The following ZNF333 variants were observed in gnomAD, a reference collection of about 807,000 sequenced individuals.
ZNF333 encodes the protein zinc finger protein 333.
A neutral mutation model predicts 76.1 loss-of-function variants in ZNF333; 61 were observed. The ratio of observed to expected loss-of-function variants is 0.80; its 90% CI spans 0.65 to 0.99. The LOEUF (loss-of-function observed/expected upper bound fraction) is 0.99, where lower values mean the gene tolerates loss of function less well. ZNF333 is among the 50% of genes least tolerant of loss of function. The pLI is 0.00. For synonymous variants in ZNF333, 284 were observed against 305.0 expected, an observed-to-expected ratio of 0.93 and a Z score of 0.72; for missense variants, 717 against 822.4, an observed-to-expected ratio of 0.87 and a Z score of 1.57.
intron 5 of ZNF333, among the ~76,000 whole-genome samples, chr19:14,703,027 A>G (rs1191585639): frequency 6.6e-6 from 1 of 151,112 alleles, no homozygotes; most frequent in Non-Finnish European, 1.5e-5. Flanking sequence ...ACATGGTGAA[A>G]CCCCGTCTCT....
chr19:14,694,238 C>T (rs766911751), intron 2 of ZNF333, among the ~76,000 whole-genome samples: 2 of 151,936 alleles, frequency 1.3e-5, no homozygotes, highest in African/African-American at 4.8e-5. Flanking sequence ...TTTGGGAGGC[C>T]GAGGCGGGCA....
At chr19:14,724,555 CAG>C (rs1453749992), downstream of ZNF333, among the ~76,000 whole-genome samples, 1 of 152,188 alleles carries the variant, frequency 6.6e-6, no homozygotes, top group Non-Finnish European at 1.5e-5. Context: ...CACCTGAGGT[CAG>C]GGGCTCGAGA....
rs746092669 is a variant in ZNF333, at chr19:14,716,233, C to CT, written c.723dup (p.Val242CysfsTer3). ...CTGGAGAACTACAGGAACCTGGCCT[C>CT]TGTGGGTAAGGCAGCTTCATCTTTT... On this transcript the variant is annotated frameshift_variant, in exon 9 of 12. Coordinates refer to ENST00000292530, the MANE Select transcript of ZNF333 (RefSeq NM_032433.4). LOFTEE classifies it high-confidence loss of function. 1 of 1,607,638 alleles carries CT rather than the reference C, an allele frequency of 6.2e-7. No individual in the cohort carries two copies. Among genetic ancestry groups the CT allele is most frequent in the Non-Finnish European group, 8.5e-7 (1 of 1,178,212 alleles).
At chr19:14,730,865 T>G (rs1429700526) in intron 11 of ZNF333, among the ~76,000 whole-genome samples, 1 of 151,886 alleles carries the variant, frequency 6.6e-6, no homozygotes, top group African/African-American at 2.4e-5. Context: ...TATGTTCACG[T>G]GTACCCAATA....
chr19:14,712,370 C>T (rs987066092), intron 7 of ZNF333, among the ~76,000 whole-genome samples: 24 of 151,972 alleles, frequency 1.6e-4, no homozygotes, highest in Admixed American at 1.6e-3. Flanking sequence ...CAGATGTGTG[C>T]CACCACGCCC....
intron 1 of ZNF333, among the ~76,000 whole-genome samples, chr19:14,691,564 A>G (rs954148373): frequency 6.6e-5 from 10 of 152,170 alleles, no homozygotes; most frequent in African/African-American, 2.4e-4. Context: ...TTGCCTTTTT[A>G]AAAAGAATTA....
chr19:14,710,046 G>C (rs1431819225), intron 7 of ZNF333, among the ~76,000 whole-genome samples: 1 of 152,204 alleles, frequency 6.6e-6, no homozygotes, highest in Non-Finnish European at 1.5e-5. Context: ...CAGAGAACTG[G>C]TTGCATCCAG....
chr19:14,693,980 TAAAAAAAAAA>T, intron 2 of ZNF333, among the ~76,000 whole-genome samples: 1 of 113,106 alleles, frequency 8.8e-6, no homozygotes, highest in South Asian at 2.9e-4. Flanking sequence ...ACCTTGTCTC[TAAAAAAAAAA>T]AAAAAAAAAA....
In ZNF333 at chr19:14,719,330, C is replaced by G; in HGVS notation, c.*5C>G. 6.3e-7 allele frequency: 1 copy of G among 1,590,502 alleles called. No homozygotes were observed. Among genetic ancestry groups the G allele is most frequent in the Non-Finnish European group, 8.6e-7 (1 of 1,169,066 alleles). The stretch of plus-strand genomic sequence containing the variant: ...TGTGGGCCCCTTGCTAATTAACTTC[C>G]ATTTTGTAAAAATATAAACACATGG... On this transcript the variant is annotated 3_prime_UTR_variant, in exon 12 of 12. Coordinates refer to ENST00000292530, the MANE Select transcript of ZNF333 (RefSeq NM_032433.4).
At position 14,705,129 on chromosome 19, in the gene ZNF333, C is replaced by T. The variant is rs138949234; in HGVS notation, c.382C>T (p.Arg128Trp). 1.5e-4 allele frequency: 234 copies of T among 1,613,770 alleles called. 1 individual carries two copies. Among genetic ancestry groups the T allele is most frequent in the Middle Eastern group, 5.0e-4 (3 of 5,960 alleles). The change falls in exon 6 of 12, where the codon CGG becomes TGG. Residue 128 changes from arginine to tryptophan, a missense_variant. Coordinates refer to ENST00000292530, the MANE Select transcript of ZNF333 (RefSeq NM_032433.4). The part of the protein sequence containing the change: ...ERETPLTRED[R>W]PALQEPPWSL... ...GGAGACACCATTGACTCGAGAGGACCGGCCAGCTCTCCAGGAGCCGCCTTG... is the reference window on the plus strand; with the variant it reads ...GGAGACACCATTGACTCGAGAGGACTGGCCAGCTCTCCAGGAGCCGCCTTG...
In ZNF333 at chr19:14,720,371, T is replaced by C. The variant is rs977157425; in HGVS notation, c.*1046T>C. On this transcript the variant is annotated 3_prime_UTR_variant, in exon 12 of 12. Transcript: ENST00000292530. ...CTCCACTTCTTGCCTTTTGGACAAG[T>C]AGACATGATTTCTAGACCTAGAGGA... is the stretch of plus-strand genomic sequence containing the variant. The C allele has an allele frequency of 1.3e-5, 13 of 985,210 alleles. No individual in the cohort carries two copies. Among genetic ancestry groups the C allele is most frequent in the African/African-American group, 3.5e-5 (2 of 57,184 alleles). The allele number at this position is 985,210 out of a possible 1,614,324, so 61.0% of individuals were successfully genotyped here. A position where few individuals can be genotyped will look rare whatever the true frequency, so the allele number is the denominator to read the frequency against.
chr19:14,710,276 AGGAGCGTG>A (rs1388827273), intron 7 of ZNF333, among the ~76,000 whole-genome samples: 2 of 152,210 alleles, frequency 1.3e-5, no homozygotes, highest in African/African-American at 4.8e-5. Flanking sequence ...CCCACCTGTG[AGGAGCGTG>A]GGCTCAGGGA....
intron 7 of ZNF333, 136 bp downstream of exon 7, chr19:14,706,909 A>G: frequency 1.5e-6 from 1 of 652,784 alleles, no homozygotes; most frequent in Admixed American, 3.2e-5. Context: ...AGGATACAGA[A>G]GGCCTCTCTC....
intron 1 of ZNF333, among the ~76,000 whole-genome samples, chr19:14,692,536 C>T (rs1972849940): frequency 6.6e-6 from 1 of 151,844 alleles, no homozygotes; most frequent in Non-Finnish European, 1.5e-5. Context: ...TTCTTTCAGA[C>T]AGAGTCTTGC....
chr19:14,713,062 A>G lies in ZNF333; in HGVS notation c.512-2320A>G, dbSNP rs1599738966. ...TCAACTCAAAGTTTCATCTCATCTG[A>G]TGAGAATCCCACAACTCTTCATGTC... On this transcript the variant is annotated intron_variant, in intron 7 of 11. Transcript: ENST00000292530. Among the ~76,000 whole-genome samples, 3 of 152,228 alleles carry G rather than the reference A, an allele frequency of 2.0e-5. No individual in the cohort carries two copies. In the East Asian group the frequency reaches 5.8e-4, roughly 29 times the overall value.
chr19:14,692,247 C>T (rs1286461910), intron 1 of ZNF333, among the ~76,000 whole-genome samples: 3 of 152,168 alleles, frequency 2.0e-5, no homozygotes, highest in Non-Finnish European at 2.9e-5. Context: ...TCAGGAAACA[C>T]ATCTGAAAAG....
chr19:14,697,437 C>G (rs1343192471), intron 4 of ZNF333, among the ~76,000 whole-genome samples: 1 of 144,320 alleles, frequency 6.9e-6, no homozygotes, highest in Non-Finnish European at 1.5e-5. Flanking sequence ...TCATAGGTCA[C>G]TGCAGCCTCA....
At chr19:14,692,292 G>A (rs528640924) in intron 1 of ZNF333, among the ~76,000 whole-genome samples, 53 of 152,328 alleles carry the variant, frequency 3.5e-4, no homozygotes, top group African/African-American at 1.1e-3. Context: ...TGAGTTGTAC[G>A]TAGCTAAACA....
intron 1 of ZNF333, among the ~76,000 whole-genome samples, 195 bp downstream of exon 1, chr19:14,690,345 C>T (rs913911451): frequency 1.3e-5 from 2 of 152,292 alleles, no homozygotes; most frequent in African/African-American, 2.4e-5. Context: ...CTCTCAGGTA[C>T]CCCCCGTCCG....
Sources: gnomAD v4.1 joint callset for allele counts (sites outside exome capture counted in the v4.1 genomes callset) on GRCh38, gnomAD v4.1.1 for gene constraint, MANE v1.5 for transcripts, NCBI Gene and HGNC (gene_info 2026-07-23, HGNC 2026-07-21) for gene names.